The following SFMBT2 variants were observed in gnomAD, a reference collection of about 807,000 sequenced individuals.
The protein encoded by SFMBT2 is Scm like with four mbt domains 2, also known as scm-like with four MBT domains protein 2.
Under a neutral mutation model 110.1 loss-of-function variants are expected in SFMBT2, and 38 were observed. The ratio of observed to expected loss-of-function variants is 0.35; its 90% CI spans 0.27 to 0.45. The LOEUF is 0.45. SFMBT2 is among the 20% of genes least tolerant of loss of function. The probability of loss-of-function intolerance (pLI) is 1.00; values close to 1 mark genes in which losing one functional copy is unlikely to be tolerated. For missense variants in SFMBT2, 1,011 were observed against 1,094.9 expected, an observed-to-expected ratio of 0.92 and a Z score of 1.08; for synonymous variants, 425 against 425.4, an observed-to-expected ratio of 1.00 and a Z score of 0.01.
chr10:7,386,603 A>G (rs1033442421), intron 1 of SFMBT2, among the ~76,000 whole-genome samples: 3 of 152,146 alleles, frequency 2.0e-5, no homozygotes, highest in African/African-American at 7.2e-5. Flanking sequence ...GCAAAAAAAA[A>G]AATTCTGTGT....
At chr10:7,294,449 T>G (rs528467459) in intron 4 of SFMBT2, among the ~76,000 whole-genome samples, 38 of 152,328 alleles carry the variant, frequency 2.5e-4, no homozygotes, top group African/African-American at 8.4e-4. Context: ...TGGACAGCCA[T>G]GTGCCCAGCT....
At chr10:7,200,079 T>C (rs999990075) in intron 14 of SFMBT2, among the ~76,000 whole-genome samples, 4 of 152,022 alleles carry the variant, frequency 2.6e-5, no homozygotes, top group Non-Finnish European at 5.9e-5. Context: ...AAAAAAGAAA[T>C]TGCCTAATGA....
intron 6 of SFMBT2, among the ~76,000 whole-genome samples, chr10:7,280,711 C>T (rs994763306): frequency 3.3e-5 from 5 of 152,196 alleles, no homozygotes; most frequent in African/African-American, 1.2e-4. Context: ...TCCTTATCCC[C>T]ATGGTACAGG....
At chr10:7,382,291 T>C (rs1845448348) in intron 1 of SFMBT2, among the ~76,000 whole-genome samples, 1 of 152,024 alleles carries the variant, frequency 6.6e-6, no homozygotes, top group Non-Finnish European at 1.5e-5. Context: ...GCACCTGCAA[T>C]TACAGCTACT....
At chr10:7,373,337 C>T (rs1019456212) in intron 2 of SFMBT2, among the ~76,000 whole-genome samples, 10 of 152,134 alleles carry the variant, frequency 6.6e-5, no homozygotes, top group African/African-American at 9.7e-5. Context: ...TCATAGACTT[C>T]GCAGCCACCA....
intron 9 of SFMBT2, among the ~76,000 whole-genome samples, chr10:7,236,876 G>A (rs1745237101): frequency 6.6e-6 from 1 of 152,118 alleles, no homozygotes; most frequent in Non-Finnish European, 1.5e-5. Flanking sequence ...ACATTGCTGA[G>A]AAAGAATTCA....
chr10:7,349,578 C>T (rs112595235), intron 4 of SFMBT2, among the ~76,000 whole-genome samples: 1 of 150,634 alleles, frequency 6.6e-6, no homozygotes, highest in Non-Finnish European at 1.5e-5. Context: ...CTGCCTCAGC[C>T]TCTCGACTAG....
At chr10:7,221,967 GT>G (rs543742258) in intron 10 of SFMBT2, among the ~76,000 whole-genome samples, 25 of 152,146 alleles carry the variant, frequency 1.6e-4, no homozygotes, top group African/African-American at 6.0e-4. Context: ...CCACCAATCT[GT>G]TTTCTGTTCT....
chr10:7,318,194 C>T (rs1047280993), intron 4 of SFMBT2, among the ~76,000 whole-genome samples: 6 of 152,190 alleles, frequency 3.9e-5, no homozygotes, highest in African/African-American at 1.4e-4. Context: ...TCTGCCAGAA[C>T]CTTCTTGCCT....
At chr10:7,344,873 G>T (rs1224936528) in intron 4 of SFMBT2, among the ~76,000 whole-genome samples, 2 of 150,652 alleles carry the variant, frequency 1.3e-5, no homozygotes, top group Non-Finnish European at 3.0e-5. Flanking sequence ...GCAAGAGAAT[G>T]GTGTGAACCC....
chr10:7,228,685 TTC>T (rs1393065337), intron 9 of SFMBT2, among the ~76,000 whole-genome samples: 1 of 98,690 alleles, frequency 1.0e-5, no homozygotes, highest in Non-Finnish European at 2.0e-5. Flanking sequence ...CTTTCTTTCT[TTC>T]TTTCTTTCTT....
At chr10:7,397,440 A>C (rs1196975505) in intron 1 of SFMBT2, among the ~76,000 whole-genome samples, 1 of 152,104 alleles carries the variant, frequency 6.6e-6, no homozygotes, top group Non-Finnish European at 1.5e-5. Flanking sequence ...TGAAGGTCTA[A>C]GCGAAAAGCT....
At chr10:7,189,182 C>A in intron 15 of SFMBT2, 2 of 985,414 alleles carry the variant, frequency 2.0e-6, no homozygotes, top group Non-Finnish European at 2.4e-6. Flanking sequence ...AGAGGCTTCA[C>A]ATGCTTGCAA....
chr10:7,228,921 G>C (rs1484306986), intron 9 of SFMBT2, among the ~76,000 whole-genome samples: 2 of 151,948 alleles, frequency 1.3e-5, no homozygotes, highest in Non-Finnish European at 2.9e-5. Flanking sequence ...CCTAAGAAAG[G>C]CATAACCCAG....
chr10:7,323,494 T>C (rs367674540), intron 4 of SFMBT2, among the ~76,000 whole-genome samples: 1 of 76,306 alleles, frequency 1.3e-5, no homozygotes, highest in Admixed American at 1.2e-4. Context: ...ATGAGGAAAA[T>C]AAACACCAAA....
intron 4 of SFMBT2, among the ~76,000 whole-genome samples, chr10:7,346,988 TCAAAACAAAA>T (rs71515471): frequency 0.038 from 5,718 of 150,326 alleles, 357 homozygotes; most frequent in African/African-American, 0.13. Context: ...AGACTCTGTC[TCAAAACAAAA>T]CAAAACAAAA....
At chr10:7,205,165 G>A (rs558620165) in intron 12 of SFMBT2, 28 of 202,510 alleles carry the variant, frequency 1.4e-4, no homozygotes, top group South Asian at 3.5e-4. Flanking sequence ...TCATTGCAGC[G>A]TTGACCTCCC....
intron 4 of SFMBT2, among the ~76,000 whole-genome samples, chr10:7,350,257 G>C (rs1033968617): frequency 2.0e-5 from 3 of 151,786 alleles, no homozygotes; most frequent in Non-Finnish European, 4.4e-5. Context: ...ATGGGGTCTT[G>C]TCTGTTCTGG....
At chr10:7,286,029 C>T (rs1842077705) in intron 4 of SFMBT2, 75 bp from the exon 5 acceptor site, 1 of 756,180 alleles carries the variant, frequency 1.3e-6, no homozygotes, top group Admixed American at 2.0e-5. Flanking sequence ...AGTATCCAAT[C>T]AACTTAAAAT....
Sources: allele counts gnomAD v4.1 joint callset (sites outside exome capture counted in the v4.1 genomes callset), GRCh38; gene constraint gnomAD v4.1.1; transcripts MANE v1.5; gene names NCBI Gene and HGNC (gene_info 2026-07-23, HGNC 2026-07-21).